Variants in CDC42SE2 observed in about 807,000 individuals in gnomAD.
The protein encoded by CDC42SE2 is CDC42 small effector protein 2.
CDC42SE2 carries 3 observed loss-of-function variants against 11.5 expected under a neutral mutation model. That is an observed-to-expected ratio of 0.26 (90% CI 0.12 to 0.67). The LOEUF (loss-of-function observed/expected upper bound fraction) is 0.67, where lower values mean the gene tolerates loss of function less well. CDC42SE2 is among the 30% of genes least tolerant of loss of function. CDC42SE2 has a pLI of 0.80. For synonymous variants in CDC42SE2, 33 were observed against 34.8 expected, an observed-to-expected ratio of 0.95 and a Z score of 0.18; for missense variants, 82 against 106.8, an observed-to-expected ratio of 0.77 and a Z score of 1.02.
intron 2 of CDC42SE2, among the ~76,000 whole-genome samples, chr5:131,327,178 G>C (rs1170196778): frequency 6.6e-6 from 1 of 151,438 alleles, no homozygotes; most frequent in Non-Finnish European, 1.5e-5. Flanking sequence ...TTCTATTTTT[G>C]TTCTTATGAT....
At chr5:131,229,349 A>G in the CDC42SE2 span, among the ~76,000 whole-genome samples, 3 of 152,122 alleles carry the variant, frequency 2.0e-5, no homozygotes, top group Admixed American at 1.3e-4. Flanking sequence ...CTGAACATTA[A>G]TTAACCCTAT....
At chr5:131,227,700 G>C in the CDC42SE2 span, among the ~76,000 whole-genome samples, 1 of 152,116 alleles carries the variant, frequency 6.6e-6, no homozygotes, top group Non-Finnish European at 1.5e-5. Context: ...ATATGGGATA[G>C]TTCAATAACT....
chr5:131,247,407 A>G (rs1276906863), intron 1 of CDC42SE2, among the ~76,000 whole-genome samples: 2 of 152,146 alleles, frequency 1.3e-5, no homozygotes. Flanking sequence ...TCACGAGGTC[A>G]GGAGTTCAAG....
intron 2 of CDC42SE2, among the ~76,000 whole-genome samples, chr5:131,325,908 TTGGTTCAAGGAACC>T (rs1162559413): frequency 6.6e-6 from 1 of 152,226 alleles, no homozygotes; most frequent in Non-Finnish European, 1.5e-5. Flanking sequence ...AATCCTAGTC[TTGGTTCAAGGAACC>T]TGTTGGCTCA....
chr5:131,296,729 A>G (rs1271779703), intron 1 of CDC42SE2, among the ~76,000 whole-genome samples: 4 of 152,146 alleles, frequency 2.6e-5, no homozygotes, highest in East Asian at 1.9e-4. Flanking sequence ...GGATTTCAAC[A>G]TATCTTTTTG....
intron 2 of CDC42SE2, among the ~76,000 whole-genome samples, chr5:131,348,117 T>C (rs902529082): frequency 3.9e-5 from 6 of 152,152 alleles, no homozygotes; most frequent in African/African-American, 1.4e-4. Context: ...ACACTCCTAT[T>C]CAACATAGTG....
At chr5:131,265,536 C>T (rs1362298790) in intron 1 of CDC42SE2, among the ~76,000 whole-genome samples, 1 of 152,172 alleles carries the variant, frequency 6.6e-6, no homozygotes, top group East Asian at 1.9e-4. Flanking sequence ...TTTATGGGCA[C>T]AGGCAAAATC....
In CDC42SE2 at chr5:131,326,139, C is replaced by G. The variant is rs188725920; in HGVS notation, c.-286+9995C>G. ...TTTTTTTTTGAGACGGAGTCTCGCT[C>G]TGTCCCCCAGGCTGGAGTGCAGTGG... On this transcript the variant is annotated intron_variant, in intron 2 of 4. Coordinates refer to ENST00000505065, the MANE Select transcript of CDC42SE2 (RefSeq NM_001375635.1). 1.5e-3 allele frequency among the ~76,000 whole-genome samples: 230 copies of G among 149,830 alleles called. 1 individual carries two copies. The highest frequency in any genetic ancestry group is 5.3e-3 in the African/African-American group (216 of 40,676).
chr5:131,361,950 G>A (rs959835850), intron 3 of CDC42SE2, among the ~76,000 whole-genome samples: 3 of 152,118 alleles, frequency 2.0e-5, no homozygotes, highest in African/African-American at 4.8e-5. Flanking sequence ...TCCTCTCGAC[G>A]TTTGGCTGTC....
At chr5:131,329,493 A>C (rs1561586449) in intron 2 of CDC42SE2, among the ~76,000 whole-genome samples, 1 of 152,198 alleles carries the variant, frequency 6.6e-6, no homozygotes, top group East Asian at 1.9e-4. Context: ...AAAGATAGTT[A>C]AACAAGATTT....
chr5:131,353,905 C>G (rs114015736), intron 2 of CDC42SE2, among the ~76,000 whole-genome samples: 5,207 of 150,368 alleles, frequency 0.035, 305 homozygotes, highest in African/African-American at 0.12. Context: ...GAGCAAAACT[C>G]TGTCTAAAAA....
At chr5:131,255,122 C>A (rs115120232) in exon 2 of CDC42SE2, 1 of 152,104 alleles carries the variant, frequency 6.6e-6, no homozygotes, top group Admixed American at 6.6e-5. Context: ...GGAGAATTTG[C>A]TGAAATACTT....
At chr5:131,377,944 TA>T (rs1347112783) in intron 3 of CDC42SE2, among the ~76,000 whole-genome samples, 1 of 152,226 alleles carries the variant, frequency 6.6e-6, no homozygotes, top group African/African-American at 2.4e-5. Context: ...ATTGTTTCTT[TA>T]AAAAAGCCTT....
At chr5:131,261,692 AC>A (rs1756727623), upstream of CDC42SE2, 1 of 152,156 alleles carries the variant, frequency 6.6e-6, no homozygotes, top group African/African-American at 2.4e-5. Flanking sequence ...TCTACCAAAA[AC>A]ACAAAAATTA....
intron 2 of CDC42SE2, among the ~76,000 whole-genome samples, chr5:131,337,951 C>T (rs770290847): frequency 9.9e-5 from 15 of 151,992 alleles, no homozygotes; most frequent in South Asian, 2.1e-4. Flanking sequence ...CTTCCGCTCA[C>T]GCACAGTGCG....
At chr5:131,236,356 T>C in the CDC42SE2 span, among the ~76,000 whole-genome samples, 1 of 152,214 alleles carries the variant, frequency 6.6e-6, no homozygotes, top group African/African-American at 2.4e-5. Flanking sequence ...TTTTTTACAT[T>C]TAAATCTTCG....
chr5:131,351,289 C>T (rs1054263958), intron 2 of CDC42SE2, among the ~76,000 whole-genome samples: 3 of 151,736 alleles, frequency 2.0e-5, no homozygotes, highest in Non-Finnish European at 4.4e-5. Flanking sequence ...GAGTCTCGCT[C>T]TGTTGCCCAG....
At chr5:131,353,455 T>C (rs1228471053) in intron 2 of CDC42SE2, among the ~76,000 whole-genome samples, 1 of 152,066 alleles carries the variant, frequency 6.6e-6, no homozygotes, top group African/African-American at 2.4e-5. Context: ...CTAATTTTTG[T>C]ATTTTTAGTA....
chr5:131,370,214 G>A (rs1307424098), intron 3 of CDC42SE2, among the ~76,000 whole-genome samples: 1 of 151,928 alleles, frequency 6.6e-6, no homozygotes, highest in Admixed American at 6.6e-5. Context: ...TTTTATTATT[G>A]TTGTTATGAC....
Sources: allele counts gnomAD v4.1 joint callset (sites outside exome capture counted in the v4.1 genomes callset), GRCh38; gene constraint gnomAD v4.1.1; transcripts MANE v1.5; gene names NCBI Gene and HGNC (gene_info 2026-07-23, HGNC 2026-07-21).